The following KCNIP4 variants were observed in gnomAD, a reference collection of about 807,000 sequenced individuals.
KCNIP4 encodes the protein potassium voltage-gated channel interacting protein 4.
A neutral mutation model predicts 34.0 loss-of-function variants in KCNIP4; 12 were observed. The observed-to-expected ratio is 0.35, with a 90% confidence interval of 0.23 to 0.57. The LOEUF is 0.57. Among genes scored for constraint, KCNIP4 ranks in the 20% least tolerant of loss-of-function variants. The pLI, the probability that KCNIP4 is intolerant of heterozygous loss-of-function variation, is 0.83. For synonymous variants in KCNIP4, 124 were observed against 102.2 expected (o/e 1.21, Z -1.29); for missense variants, 238 against 311.7 (o/e 0.76, Z 1.78).
At chr4:21,927,319 CAA>C (rs1325311097) in intron 1 of KCNIP4, among the ~76,000 whole-genome samples, 1 of 152,136 alleles carries the variant, frequency 6.6e-6, no homozygotes, top group Non-Finnish European at 1.5e-5. Context: ...GACATATTCA[CAA>C]GTTCCAGGAA....
At chr4:20,840,253 C>T (rs1719557910) in intron 3 of KCNIP4, among the ~76,000 whole-genome samples, 1 of 152,124 alleles carries the variant, frequency 6.6e-6, no homozygotes, top group Non-Finnish European at 1.5e-5. Flanking sequence ...GTGCCTTTTC[C>T]CTTTGCAGAT....
intron 1 of KCNIP4, among the ~76,000 whole-genome samples, chr4:21,532,843 G>A (rs1238526689): frequency 8.6e-5 from 13 of 151,824 alleles, no homozygotes; most frequent in East Asian, 3.9e-4. Context: ...TAACCTTGGC[G>A]TTTGTTTTAA....
intron 1 of KCNIP4, chr4:21,697,239 A>G: frequency 7.7e-7 from 1 of 1,301,000 alleles, no homozygotes; most frequent in Non-Finnish European, 9.8e-7. Flanking sequence ...TATTGACAAC[A>G]TTAAAAATAA....
intron 1 of KCNIP4, among the ~76,000 whole-genome samples, chr4:21,347,986 CT>C (rs1435102568): frequency 6.6e-6 from 1 of 152,172 alleles, no homozygotes; most frequent in African/African-American, 2.4e-5. Context: ...AGGAGTCATG[CT>C]CATACCTGCA....
chr4:21,700,902 G>T (rs764932731), intron 1 of KCNIP4, among the ~76,000 whole-genome samples: 1 of 151,964 alleles, frequency 6.6e-6, no homozygotes, highest in Non-Finnish European at 1.5e-5. Flanking sequence ...AACTACTTCT[G>T]GGGATATATA....
chr4:21,131,645 C>A (rs1751082304), intron 1 of KCNIP4, among the ~76,000 whole-genome samples: 1 of 151,944 alleles, frequency 6.6e-6, no homozygotes, highest in Admixed American at 6.6e-5. Context: ...AAATAAAAAC[C>A]GGAAGAGGGC....
chr4:20,742,865 A>G (rs116625768), intron 5 of KCNIP4, among the ~76,000 whole-genome samples: 1 of 152,182 alleles, frequency 6.6e-6, no homozygotes, highest in Non-Finnish European at 1.5e-5. Flanking sequence ...ACTTAAGCGA[A>G]GTCTCAGGGT....
At chr4:21,034,007 C>G (rs1442722012) in intron 1 of KCNIP4, among the ~76,000 whole-genome samples, 2 of 152,040 alleles carry the variant, frequency 1.3e-5, no homozygotes, top group East Asian at 3.9e-4. Context: ...CACATAATTA[C>G]ATGATAAATA....
At chr4:21,686,778 A>C (rs1750833319) in intron 1 of KCNIP4, among the ~76,000 whole-genome samples, 1 of 152,188 alleles carries the variant, frequency 6.6e-6, no homozygotes, top group African/African-American at 2.4e-5. Flanking sequence ...CAAGATCAGA[A>C]GTGATTAGGT....
At chr4:21,069,328 G>T (rs1012271061) in intron 1 of KCNIP4, among the ~76,000 whole-genome samples, 4 of 151,920 alleles carry the variant, frequency 2.6e-5, no homozygotes, top group Non-Finnish European at 5.9e-5. Flanking sequence ...ATATTGGTCC[G>T]CTTTATTTGG....
chr4:21,777,026 A>T (rs1416303120), intron 1 of KCNIP4, among the ~76,000 whole-genome samples: 2 of 151,948 alleles, frequency 1.3e-5, no homozygotes, highest in Non-Finnish European at 2.9e-5. Flanking sequence ...GCCCACCTCA[A>T]CTTCCCAAAG....
At chr4:21,391,136 C>T (rs537027382) in intron 1 of KCNIP4, among the ~76,000 whole-genome samples, 2 of 152,154 alleles carry the variant, frequency 1.3e-5, no homozygotes, top group East Asian at 3.9e-4. Context: ...TATTGAAATC[C>T]TTTGCCCTTT....
intron 1 of KCNIP4, among the ~76,000 whole-genome samples, chr4:20,967,466 A>T (rs1734474820): frequency 6.6e-6 from 1 of 152,170 alleles, no homozygotes; most frequent in African/African-American, 2.4e-5. Flanking sequence ...GAGCCTGCAC[A>T]GCCAAGACGA....
At chr4:20,774,673 C>A (rs182416338) in intron 3 of KCNIP4, among the ~76,000 whole-genome samples, 3 of 152,254 alleles carry the variant, frequency 2.0e-5, no homozygotes, top group Non-Finnish European at 2.9e-5. Flanking sequence ...ATAGGGAAGA[C>A]TTCCCTGAGG....
chr4:21,511,855 A>G (rs931566510), intron 1 of KCNIP4, among the ~76,000 whole-genome samples: 6 of 152,148 alleles, frequency 3.9e-5, no homozygotes, highest in African/African-American at 1.4e-4. Flanking sequence ...TATCACTACA[A>G]AGTGTCCCTA....
Position 21,943,472 on chromosome 4 carries a change from C to T in KCNIP4, c.61+5099G>A, listed in dbSNP as rs964187982. ...GGAGGATTGCTTGAGGCCAGGAGTT[C>T]GAGGCTGCAGTGACCCATAATGGCA... On this transcript the variant is annotated intron_variant, in intron 1 of 8. Transcript: ENST00000382152. 5.3e-5 allele frequency among the ~76,000 whole-genome samples: 8 copies of T among 151,830 alleles called. No homozygotes were observed. In the South Asian group the frequency reaches 6.2e-4, roughly 12 times the overall value.
At chr4:21,171,194 T>A (rs986811848) in intron 1 of KCNIP4, among the ~76,000 whole-genome samples, 1 of 152,232 alleles carries the variant, frequency 6.6e-6, no homozygotes, top group South Asian at 2.1e-4. Context: ...ACTGCATCTA[T>A]GACAAAGTGA....
intron 1 of KCNIP4, among the ~76,000 whole-genome samples, chr4:21,175,410 C>A (rs1474892898): frequency 8.5e-5 from 13 of 152,102 alleles, no homozygotes; most frequent in Non-Finnish European, 1.9e-4. Context: ...AGTTCTGACC[C>A]CTATGTCTAT....
intron 1 of KCNIP4, among the ~76,000 whole-genome samples, chr4:20,974,771 G>A (rs1735320232): frequency 6.6e-6 from 1 of 152,164 alleles, no homozygotes; most frequent in Non-Finnish European, 1.5e-5. Flanking sequence ...TAAACCCAAT[G>A]TAGCCAAAAT....
Sources: gnomAD v4.1 joint callset for allele counts (sites outside exome capture counted in the v4.1 genomes callset) on GRCh38, gnomAD v4.1.1 for gene constraint, MANE v1.5 for transcripts, NCBI Gene and HGNC (gene_info 2026-07-23, HGNC 2026-07-21) for gene names.